Variants in HCN3 observed in about 807,000 individuals in gnomAD.
The protein encoded by HCN3 is hyperpolarization activated cyclic nucleotide gated potassium channel 3.
HCN3 carries 36 observed loss-of-function variants against 56.8 expected under a neutral mutation model. The ratio of observed to expected loss-of-function variants is 0.63; its 90% CI spans 0.49 to 0.84. The LOEUF is 0.84. Among genes scored for constraint, HCN3 ranks in the 40% least tolerant of loss-of-function variants. The pLI is 0.00. For missense variants in HCN3, 930 were observed against 1,079.3 expected, an observed-to-expected ratio of 0.86 and a Z score of 1.94; for synonymous variants, 425 against 439.7, an observed-to-expected ratio of 0.97 and a Z score of 0.42.
intron 6 of HCN3, 128 bp from the exon 7 acceptor site, chr1:155,287,045 T>C (rs1436050294): frequency 2.9e-6 from 3 of 1,025,176 alleles, no homozygotes; most frequent in Middle Eastern, 2.2e-4. Context: ...ACGGAGGTAA[T>C]AGGTAATCAA....
In HCN3 at chr1:155,285,963, G is replaced by C. The variant is rs1293430026; in HGVS notation, c.1476G>C (p.Gly492=). Residue 492 remains glycine, a splice_region_variant and synonymous_variant, in exon 6 of 8, where the codon GGG becomes GGC. Transcript: ENST00000368358. This position sits in a 1 kb window ranked among gnomAD's most constrained non-coding sequence, Gnocchi z 4.5. ...GCCTCACCGATGGATCCTACTTTGG[G>C]GGTCAGCAGGCCTCAGGGAGGGTGG... ...DTRLTDGSYF[G]EICLLTRGRR... 2 of 1,576,484 alleles carry C rather than the reference G, an allele frequency of 1.3e-6. No individual in the cohort carries two copies. Among genetic ancestry groups the C allele is most frequent in the Non-Finnish European group, 8.6e-7 (1 of 1,156,696 alleles).
chr1:155,282,272 A>C lies in HCN3; in HGVS notation c.279-139A>C, dbSNP rs1051497511. The C allele has an allele frequency of 2.3e-4, 184 of 797,362 alleles. No individual in the cohort carries two copies. Among genetic ancestry groups the C allele is most frequent in the Non-Finnish European group, 3.3e-4 (164 of 501,760 alleles). The allele number at this position is 797,362 out of a possible 1,614,324, so 49.4% of individuals were successfully genotyped here. A position where few individuals can be genotyped will look rare whatever the true frequency, so the allele number is the denominator to read the frequency against. On this transcript the variant is annotated intron_variant, in intron 1 of 7. Coordinates refer to ENST00000368358, the MANE Select transcript of HCN3 (RefSeq NM_020897.3). The surrounding 1 kb of genome is among the most constrained non-coding windows in gnomAD (Gnocchi z 4.7). ...TTTTCCCAAATGGTGGTCCCAACTT[A>C]TACTCCCAACAGCTGTAAACAGTCA... is the stretch of plus-strand genomic sequence containing the variant.
chr1:155,285,665 C>A lies in HCN3; in HGVS notation c.1237-59C>A. ...TGGGGTTTCTGGAAGCGGATGAGCTCGGTGGGATCATCTCAGGTCAGGGGC... is the reference window on the plus strand; with the variant it reads ...TGGGGTTTCTGGAAGCGGATGAGCTAGGTGGGATCATCTCAGGTCAGGGGC... On this transcript the variant is annotated intron_variant, in intron 5 of 7. Coordinates refer to ENST00000368358, the MANE Select transcript of HCN3 (RefSeq NM_020897.3). This position sits in a 1 kb window ranked among gnomAD's most constrained non-coding sequence, Gnocchi z 4.5. 6.3e-7 allele frequency: 1 copy of A among 1,597,856 alleles called. No homozygotes were observed. Among genetic ancestry groups the A allele is most frequent in the Non-Finnish European group, 8.5e-7 (1 of 1,170,656 alleles).
intron 1 of HCN3, among the ~76,000 whole-genome samples, chr1:155,280,632 G>C (rs1248711840): frequency 6.6e-6 from 1 of 150,646 alleles, no homozygotes; most frequent in Non-Finnish European, 1.5e-5. Flanking sequence ...TAGAGATGGG[G>C]TTTCACCGTG....
At position 155,285,406 on chromosome 1, in the gene HCN3, A is replaced by C; in HGVS notation, c.1236+95A>C. On this transcript the variant is annotated intron_variant, in intron 5 of 7. Coordinates refer to ENST00000368358, the MANE Select transcript of HCN3 (RefSeq NM_020897.3). The surrounding 1 kb of genome is among the most constrained non-coding windows in gnomAD (Gnocchi z 4.5). ...TTGGTCAGCAGGTGCTCCTATAGGG[A>C]ATGAGGCCTGCAGAGGGCCCCGTGG... The C allele has an allele frequency of 6.7e-7, 1 of 1,500,466 alleles. No individual in the cohort carries two copies. The highest frequency in any genetic ancestry group is 1.3e-5 in the South Asian group (1 of 78,682). 92.9% of individuals were successfully genotyped at this position (1,500,466 alleles called of 1,614,324 possible).
In HCN3 at chr1:155,285,684, CA is replaced by C; in HGVS notation, c.1237-39del. 6.2e-7 allele frequency: 1 copy of C among 1,610,088 alleles called. No homozygotes were observed. Among genetic ancestry groups the C allele is most frequent in the Non-Finnish European group, 8.5e-7 (1 of 1,177,748 alleles). ...TGAGCTCGGTGGGATCATCTCAGGT[CA>C]GGGGCACAGCCTGCCTGACAGGCCC... On this transcript the variant is annotated intron_variant, in intron 5 of 7. Coordinates refer to ENST00000368358, the MANE Select transcript of HCN3 (RefSeq NM_020897.3). The surrounding 1 kb of genome is among the most constrained non-coding windows in gnomAD (Gnocchi z 4.5).
intron 2 of HCN3, among the ~76,000 whole-genome samples, chr1:155,283,161 A>G (rs1674143441): frequency 6.6e-6 from 1 of 152,132 alleles, no homozygotes; most frequent in Admixed American, 6.6e-5. Flanking sequence ...CTGGAGCTTC[A>G]GCTTCAGAGC....
In HCN3 at chr1:155,282,072, C is replaced by G. The variant is rs182046644; in HGVS notation, c.279-339C>G. Among the ~76,000 whole-genome samples, 79 of 152,304 alleles carry G rather than the reference C, an allele frequency of 5.2e-4. No individual in the cohort carries two copies. Among genetic ancestry groups the G allele is most frequent in the Non-Finnish European group, 7.6e-4 (52 of 68,032 alleles). The stretch of plus-strand genomic sequence containing the variant: ...ATAGTGTATTTATCTACTTATCTGT[C>G]TACATTTTTCTACACAAGGACATGT... On this transcript the variant is annotated intron_variant, in intron 1 of 7. Transcript: ENST00000368358. This position sits in a 1 kb window ranked among gnomAD's most constrained non-coding sequence, Gnocchi z 4.7.
Position 155,289,606 on chromosome 1 carries a change from A to G in HCN3, c.*1143A>G, listed in dbSNP as rs1380838774. On this transcript the variant is annotated 3_prime_UTR_variant, in exon 8 of 8. Coordinates refer to ENST00000368358, the MANE Select transcript of HCN3 (RefSeq NM_020897.3). ...GGTGCAGGAATAAGGGAAAGGCCCA[A>G]GGTATCCAAGCCTGGGGAAGGGCAG... 6.6e-6 allele frequency: 1 copy of G among 152,504 alleles called. No homozygotes were observed. The highest frequency in any genetic ancestry group is 1.5e-5 in the Non-Finnish European group (1 of 68,170). 9.4% of individuals were successfully genotyped at this position (152,504 alleles called of 1,614,324 possible). A position where few individuals can be genotyped will look rare whatever the true frequency, so the allele number is the denominator to read the frequency against.
In HCN3 at chr1:155,285,435, G is replaced by A; in HGVS notation, c.1236+124G>A. The A allele has an allele frequency of 7.5e-7, 1 of 1,330,184 alleles. No homozygotes were observed. Among genetic ancestry groups the A allele is most frequent in the Non-Finnish European group, 1.0e-6 (1 of 984,076 alleles). 82.4% of individuals were successfully genotyped at this position (1,330,184 alleles called of 1,614,324 possible). ...AGGCCTGCAGAGGGCCCCGTGGGAG[G>A]CCAGGTATTTGGGCTTTCAGGGGCT... On this transcript the variant is annotated intron_variant, in intron 5 of 7. Coordinates refer to ENST00000368358, the MANE Select transcript of HCN3 (RefSeq NM_020897.3). This position sits in a 1 kb window ranked among gnomAD's most constrained non-coding sequence, Gnocchi z 4.5.
rs1490853745 is a variant in HCN3, at chr1:155,285,331, G to A, written c.1236+20G>A. 6.2e-7 allele frequency: 1 copy of A among 1,613,006 alleles called. No individual in the cohort carries two copies. The highest frequency in any genetic ancestry group is 1.7e-5 in the Admixed American group (1 of 59,966). On this transcript the variant is annotated intron_variant, in intron 5 of 7. Transcript: ENST00000368358. The surrounding 1 kb of genome is among the most constrained non-coding windows in gnomAD (Gnocchi z 4.5). ...CGCGAGGTGGGGCTGGGTTGGGCCT[G>A]GAAGGGGGGCTCTTCAGGGACCTGG...
chr1:155,287,282 C>G lies in HCN3; in HGVS notation c.1587C>G (p.Phe529Leu). ...VDHFNAVLEE[F>L]PMMRRAFETV... ...ATTTCAATGCTGTGCTTGAGGAGTT[C>G]CCCATGATGCGCCGGGCCTTTGAGA... Residue 529 changes from phenylalanine (F) to leucine (L), a missense_variant, in exon 7 of 8, where the codon TTC becomes TTG. By Grantham distance (22) the Phe-to-Leu change is conservative. Transcript: ENST00000368358. 2 of 1,614,018 alleles carry G rather than the reference C, an allele frequency of 1.2e-6. No individual in the cohort carries two copies. The highest frequency in any genetic ancestry group is 8.5e-7 in the Non-Finnish European group (1 of 1,179,942).
In HCN3 at chr1:155,287,767, G is replaced by A. The variant is rs769889009; in HGVS notation, c.1643-14G>A. On this transcript the variant is annotated splice_polypyrimidine_tract_variant and intron_variant, in intron 7 of 7. Coordinates refer to ENST00000368358, the MANE Select transcript of HCN3 (RefSeq NM_020897.3). The stretch of plus-strand genomic sequence containing the variant: ...TCCCTATCCTTAACTTCTCCCTCCC[G>A]GTACAACTTCTAGGCAAGAAGAATT... 9.6e-6 allele frequency: 15 copies of A among 1,556,874 alleles called. No individual in the cohort carries two copies. The highest frequency in any genetic ancestry group is 1.7e-4 in the Middle Eastern group (1 of 5,812).
At position 155,284,025 on chromosome 1, in the gene HCN3, C is replaced by A. The variant is rs750317134; in HGVS notation, c.760C>A (p.Leu254Ile). The A allele has an allele frequency of 2.6e-5, 42 of 1,614,038 alleles. No homozygotes were observed. Among genetic ancestry groups the A allele is most frequent in the Non-Finnish European group, 3.4e-5 (40 of 1,180,020 alleles). Residue 254 changes from leucine (L) to isoleucine (I), a missense_variant, in exon 3 of 8, where the codon CTC (leucine) becomes ATC (isoleucine). Leu to Ile is a conservative substitution (Grantham distance 5). Coordinates refer to ENST00000368358, the MANE Select transcript of HCN3 (RefSeq NM_020897.3). The surrounding 1 kb of genome is among the most constrained non-coding windows in gnomAD (Gnocchi z 4.3). ...CAGTGCTGTGGTTCGCATCTTCAAC[C>A]TCATTGGGATGATGCTGCTGCTATG... Reference protein sequence around the residue: ...LASAVVRIFNLIGMMLLLCHW... With the variant: ...LASAVVRIFNIIGMMLLLCHW...
rs1674257912 is a variant in HCN3 at position 155,285,774 on chromosome 1, T to C, written c.1287T>C (p.Phe429=). 6.2e-7 allele frequency: 1 copy of C among 1,614,060 alleles called. No individual in the cohort carries two copies. Among genetic ancestry groups the C allele is most frequent in the African/African-American group, 1.3e-5 (1 of 74,926 alleles). Residue 429 remains phenylalanine (F), a synonymous_variant, in exon 6 of 8, where the codon TTT becomes TTC. Transcript: ENST00000368358. The surrounding 1 kb of genome is among the most constrained non-coding windows in gnomAD (Gnocchi z 4.5). ...GCCTGGTGGCCCACATGCCGCTGTT[T>C]GCCCATGCCGACCCCAGCTTCGTCA... is the stretch of plus-strand genomic sequence containing the variant. The part of the protein sequence containing the change: ...CRGLVAHMPL[F]AHADPSFVTA...
At chr1:155,278,430 A>T (rs896042742) in intron 1 of HCN3, 1 of 156,288 alleles carries the variant, frequency 6.4e-6, no homozygotes, top group Non-Finnish European at 1.4e-5. Context: ...GGCGGGGCCG[A>T]GACTCAGAGT....
chr1:155,277,520 T>C lies in HCN3; in HGVS notation c.-71T>C. On this transcript the variant is annotated 5_prime_UTR_variant, in exon 1 of 8. Transcript: ENST00000368358. ...CGCGGGGCTGCGCCGACTCCTGCTC[T>C]GGAGGGGTTGCGGGTACCTGATGGC... The C allele has an allele frequency of 2.0e-6, 3 of 1,476,574 alleles. No individual in the cohort carries two copies. The highest frequency in any genetic ancestry group is 2.7e-6 in the Non-Finnish European group (3 of 1,111,684). 91.5% of individuals were successfully genotyped at this position (1,476,574 alleles called of 1,614,324 possible).
intron 6 of HCN3, among the ~76,000 whole-genome samples, chr1:155,286,813 G>A (rs1246208150): frequency 1.3e-5 from 2 of 151,974 alleles, no homozygotes; most frequent in Non-Finnish European, 2.9e-5. Context: ...GGGGGTGGGA[G>A]GGGTGGGTAC....
rs772552320 is a variant in HCN3 at position 155,285,590 on chromosome 1, C to G, written c.1237-134C>G. The G allele has an allele frequency of 7.4e-5, 93 of 1,264,706 alleles. No individual in the cohort carries two copies. Among genetic ancestry groups the G allele is most frequent in the Non-Finnish European group, 9.9e-5 (91 of 921,154 alleles). 78.3% of individuals were successfully genotyped at this position (1,264,706 alleles called of 1,614,324 possible). A position where few individuals can be genotyped will look rare whatever the true frequency, so the allele number is the denominator to read the frequency against. On this transcript the variant is annotated intron_variant, in intron 5 of 7. Transcript: ENST00000368358. The surrounding 1 kb of genome is among the most constrained non-coding windows in gnomAD (Gnocchi z 4.5). ...TGAAGGCAGGAGCTTAGGGATGGTC[C>G]CAGGCCCACTGATGCCTCCCCATCC...
Sources: gnomAD v4.1 joint callset for allele counts (sites outside exome capture counted in the v4.1 genomes callset) on GRCh38, gnomAD v4.1.1 for gene constraint, Gnocchi (gnomAD v3.1) non-coding constraint, MANE v1.5 for transcripts, NCBI Gene and HGNC (gene_info 2026-07-23, HGNC 2026-07-21) for gene names.